The following CTNNA3 variants were observed in gnomAD, a reference collection of about 807,000 sequenced individuals.
The protein encoded by CTNNA3 is catenin alpha-3.
A neutral mutation model predicts 95.7 loss-of-function variants in CTNNA3; 76 were observed. The ratio of observed to expected loss-of-function variants is 0.79; its 90% CI spans 0.66 to 0.96. The LOEUF is 0.96. CTNNA3 is among the 40% of genes least tolerant of loss of function. The pLI, the probability that CTNNA3 is intolerant of heterozygous loss-of-function variation, is 0.00. For missense variants in CTNNA3, 1,191 were observed against 1,089.8 expected (o/e 1.09, Z -1.31); for synonymous variants, 431 against 374.4 (o/e 1.15, Z -1.74).
At chr10:65,937,640 A>G (rs1463711041) in intron 17 of CTNNA3, among the ~76,000 whole-genome samples, 1 of 152,114 alleles carries the variant, frequency 6.6e-6, no homozygotes, top group Non-Finnish European at 1.5e-5. Flanking sequence ...TATTTTGCCC[A>G]TACACTGTAC....
At chr10:67,599,006 C>G (rs1843004031) in intron 3 of CTNNA3, among the ~76,000 whole-genome samples, 1 of 152,168 alleles carries the variant, frequency 6.6e-6, no homozygotes, top group Admixed American at 6.5e-5. Flanking sequence ...CATTTCATTT[C>G]AGGAACAACA....
intron 5 of CTNNA3, among the ~76,000 whole-genome samples, chr10:67,376,046 C>T (rs998426286): frequency 3.9e-5 from 6 of 152,140 alleles, no homozygotes. Context: ...TGGGCCCTCA[C>T]CAGCTGCCAA....
At chr10:66,696,943 T>C (rs1043836508) in intron 9 of CTNNA3, among the ~76,000 whole-genome samples, 23 of 151,718 alleles carry the variant, frequency 1.5e-4, no homozygotes, top group Non-Finnish European at 2.9e-4. Context: ...AATACATAAA[T>C]AAAATAAAAT....
chr10:67,003,140 G>A (rs1291983318), intron 7 of CTNNA3, among the ~76,000 whole-genome samples: 3 of 152,148 alleles, frequency 2.0e-5, no homozygotes, highest in Non-Finnish European at 2.9e-5. Flanking sequence ...TATGCATCCC[G>A]CCACAGTGAC....
At chr10:66,252,783 C>T (rs1266253273) in intron 13 of CTNNA3, among the ~76,000 whole-genome samples, 2 of 152,126 alleles carry the variant, frequency 1.3e-5, no homozygotes, top group Admixed American at 6.6e-5. Context: ...AAGGAACCAT[C>T]GGAGGATGAT....
At chr10:67,533,762 C>A (rs958255030) in intron 4 of CTNNA3, among the ~76,000 whole-genome samples, 4 of 151,956 alleles carry the variant, frequency 2.6e-5, no homozygotes, top group Non-Finnish European at 4.4e-5. Context: ...AATTGCTTCT[C>A]CTGGGGCAGT....
chr10:67,497,274 A>G (rs1839056395), intron 5 of CTNNA3, among the ~76,000 whole-genome samples: 1 of 152,070 alleles, frequency 6.6e-6, no homozygotes, highest in Non-Finnish European at 1.5e-5. Flanking sequence ...ATCCTTTTTT[A>G]TGGCTGCATA....
At chr10:66,176,051 G>A (rs1019457619) in intron 13 of CTNNA3, among the ~76,000 whole-genome samples, 1 of 152,106 alleles carries the variant, frequency 6.6e-6, no homozygotes, top group African/African-American at 2.4e-5. Flanking sequence ...CTGTATTTCA[G>A]GAAACGTAAT....
At chr10:65,981,536 C>T (rs2078319707) in intron 16 of CTNNA3, among the ~76,000 whole-genome samples, 1 of 151,872 alleles carries the variant, frequency 6.6e-6, no homozygotes, top group African/African-American at 2.4e-5. Flanking sequence ...GCCCGTATAG[C>T]CAAATCAATA....
At chr10:66,414,802 A>G (rs993474798) in intron 11 of CTNNA3, among the ~76,000 whole-genome samples, 8 of 152,058 alleles carry the variant, frequency 5.3e-5, no homozygotes, top group Admixed American at 1.3e-4. Context: ...ATGGGATGCC[A>G]TCTTTAGGAC....
chr10:67,245,324 T>C (rs1865864320), intron 5 of CTNNA3, among the ~76,000 whole-genome samples: 1 of 152,212 alleles, frequency 6.6e-6, no homozygotes, highest in Non-Finnish European at 1.5e-5. Context: ...CAATATGCCA[T>C]ATTTCCCTTC....
intron 2 of CTNNA3, among the ~76,000 whole-genome samples, chr10:67,642,702 GCAAGAC>G (rs1839577405): frequency 6.7e-6 from 1 of 148,880 alleles, no homozygotes; most frequent in Non-Finnish European, 1.5e-5. Context: ...GGGTGACAGA[GCAAGAC>G]TCTGTCTCAA....
intron 6 of CTNNA3, among the ~76,000 whole-genome samples, chr10:67,203,299 C>T (rs972633345): frequency 1.3e-5 from 2 of 152,142 alleles, no homozygotes; most frequent in Admixed American, 6.6e-5. Flanking sequence ...AGGGAGTTCC[C>T]GTGAACACGC....
At chr10:66,631,702 C>A (rs1845140559) in intron 9 of CTNNA3, among the ~76,000 whole-genome samples, 1 of 151,908 alleles carries the variant, frequency 6.6e-6, no homozygotes, top group Admixed American at 6.6e-5. Context: ...ATAAGCATTC[C>A]CACTATAAGT....
At chr10:67,442,612 A>G (rs577440263) in intron 5 of CTNNA3, among the ~76,000 whole-genome samples, 1 of 152,214 alleles carries the variant, frequency 6.6e-6, no homozygotes, top group South Asian at 2.1e-4. Flanking sequence ...GTACAAAGAG[A>G]CAAAAAAATC....
At chr10:67,282,666 T>G (rs1391757628) in intron 5 of CTNNA3, among the ~76,000 whole-genome samples, 1 of 152,228 alleles carries the variant, frequency 6.6e-6, no homozygotes, top group Non-Finnish European at 1.5e-5. Context: ...ATGGAGCTTT[T>G]GAGGCAGCTC....
chr10:66,582,665 C>T (rs765814222), intron 10 of CTNNA3, among the ~76,000 whole-genome samples: 2 of 151,712 alleles, frequency 1.3e-5, no homozygotes, highest in African/African-American at 4.8e-5. Context: ...CTAGGATTCC[C>T]TGTACTATGT....
intron 7 of CTNNA3, among the ~76,000 whole-genome samples, chr10:66,849,981 G>GT (rs35508547): frequency 0.36 from 55,120 of 151,926 alleles, 10,895 homozygotes; most frequent in Non-Finnish European, 0.46. Flanking sequence ...ATGAGAGCAT[G>GT]TTTTTTTGCA....
rs148007380 is a variant in CTNNA3 at position 66,597,966 on chromosome 10, G to A, written c.1374+23726C>T. ...CACTATTACACCGCTATTAGACACC[G>A]TTAGAAAAGAAAATCAGAGGCCAAT... On this transcript the variant is annotated intron_variant, in intron 10 of 17. Coordinates refer to ENST00000433211, the MANE Select transcript of CTNNA3 (RefSeq NM_013266.4). Among the ~76,000 whole-genome samples, 893 of 151,966 alleles carry A rather than the reference G, an allele frequency of 5.9e-3. 9 individuals carry two copies. Among genetic ancestry groups the A allele is most frequent in the African/African-American group, 0.021 (858 of 41,488 alleles).
Sources: gnomAD v4.1 joint callset for allele counts (sites outside exome capture counted in the v4.1 genomes callset) on GRCh38, gnomAD v4.1.1 for gene constraint, MANE v1.5 for transcripts, NCBI Gene and HGNC (gene_info 2026-07-23, HGNC 2026-07-21) for gene names.